Variants in STEAP1B observed in about 807,000 individuals in gnomAD.
STEAP1B encodes the protein STEAP family member 1B, also known as STEAP family protein MGC87042.
Under a neutral mutation model 27.9 loss-of-function variants are expected in STEAP1B, and 13 were observed. The observed-to-expected ratio is 0.47, with a 90% CI of 0.30 to 0.74. STEAP1B has a LOEUF of 0.74. Among genes scored for constraint, STEAP1B ranks in the 30% least tolerant of loss-of-function variants. STEAP1B has a pLI of 0.06. For synonymous variants in STEAP1B, 86 were observed against 107.1 expected, an observed-to-expected ratio of 0.80 and a Z score of 1.22; for missense variants, 250 against 298.7, an observed-to-expected ratio of 0.84 and a Z score of 1.20.
intron 4 of STEAP1B, among the ~76,000 whole-genome samples, chr7:22,479,851 G>C (rs1011650415): frequency 6.6e-6 from 1 of 151,788 alleles, no homozygotes; most frequent in African/African-American, 2.4e-5. Flanking sequence ...ACGCCCAGCC[G>C]ATTTCAGTAT....
chr7:22,463,626 A>C (rs546163837), intron 4 of STEAP1B, among the ~76,000 whole-genome samples: 26 of 152,150 alleles, frequency 1.7e-4, no homozygotes, highest in Non-Finnish European at 2.9e-5. Flanking sequence ...CAATGGAACA[A>C]AACAGAACCC....
chr7:22,485,650 C>CA (rs989781447), intron 4 of STEAP1B, among the ~76,000 whole-genome samples: 2 of 151,960 alleles, frequency 1.3e-5, no homozygotes, highest in Non-Finnish European at 2.9e-5. Flanking sequence ...CACTGGGAAA[C>CA]AAAAAAATCA....
chr7:22,472,424 C>T (rs7778463), intron 4 of STEAP1B, among the ~76,000 whole-genome samples: 3 of 151,954 alleles, frequency 2.0e-5, no homozygotes, highest in African/African-American at 2.4e-5. Flanking sequence ...ATCAGCTTGG[C>T]GTCTTTGATG....
At chr7:22,485,709 CA>C (rs1467676144) in intron 4 of STEAP1B, among the ~76,000 whole-genome samples, 1 of 152,152 alleles carries the variant, frequency 6.6e-6, no homozygotes, top group Non-Finnish European at 1.5e-5. Flanking sequence ...GCAATATGTC[CA>C]AGGTATGCCT....
chr7:22,422,538 G>A (rs1785056931), intron 4 of STEAP1B, among the ~76,000 whole-genome samples: 1 of 150,988 alleles, frequency 6.6e-6, no homozygotes, highest in Non-Finnish European at 1.5e-5. Context: ...TTATTGCCCA[G>A]GCTGGAGTGC....
intron 4 of STEAP1B, among the ~76,000 whole-genome samples, chr7:22,430,676 T>G (rs748849145): frequency 1.1e-4 from 16 of 152,200 alleles, no homozygotes; most frequent in African/African-American, 3.9e-4. Flanking sequence ...CCCATGGTTT[T>G]ACCTCAACAG....
In STEAP1B at chr7:22,432,333, G is replaced by C. The variant is rs117173495; in HGVS notation, c.763-12497C>G. On this transcript the variant is annotated intron_variant, in intron 4 of 4. Transcript: ENST00000678116. ...GTGGGAAGATCATTTGAGGCCATGA[G>C]TTTGAGACCAGCCTTGGCAACATAG... 6.2e-3 allele frequency among the ~76,000 whole-genome samples: 938 copies of C among 151,826 alleles called. 4 individuals are homozygous for C. Among genetic ancestry groups the C allele is most frequent in the Middle Eastern group, 0.02 (6 of 294 alleles).
At chr7:22,463,638 C>A (rs925850279) in intron 4 of STEAP1B, among the ~76,000 whole-genome samples, 1 of 152,156 alleles carries the variant, frequency 6.6e-6, no homozygotes, top group Non-Finnish European at 1.5e-5. Context: ...ACAGAACCCT[C>A]AGAAATAACG....
At chr7:22,450,775 C>T (rs1446657809) in intron 4 of STEAP1B, among the ~76,000 whole-genome samples, 1 of 152,084 alleles carries the variant, frequency 6.6e-6, no homozygotes, top group Non-Finnish European at 1.5e-5. Flanking sequence ...TATTCCTATC[C>T]ATGAACATTG....
chr7:22,435,949 C>A (rs538416781), intron 4 of STEAP1B, among the ~76,000 whole-genome samples: 1 of 152,206 alleles, frequency 6.6e-6, no homozygotes, highest in Non-Finnish European at 1.5e-5. Flanking sequence ...TGAGCCACTG[C>A]GTGGGCAGAA....
chr7:22,468,878 T>C (rs1342491815), intron 4 of STEAP1B, among the ~76,000 whole-genome samples: 2 of 152,236 alleles, frequency 1.3e-5, no homozygotes, highest in African/African-American at 4.8e-5. Flanking sequence ...AACAAACCTA[T>C]TGCACTGCCA....
chr7:22,484,060 C>T (rs900318824), intron 4 of STEAP1B, among the ~76,000 whole-genome samples: 4 of 152,108 alleles, frequency 2.6e-5, no homozygotes, highest in Admixed American at 6.5e-5. Context: ...TGAGGTTTAA[C>T]AAAAAATGCC....
chr7:22,492,059 C>T (rs1280090753), intron 4 of STEAP1B, among the ~76,000 whole-genome samples: 9 of 151,970 alleles, frequency 5.9e-5, no homozygotes, highest in African/African-American at 2.2e-4. Flanking sequence ...CGGTGGCTCA[C>T]GTCTGTAATC....
intron 4 of STEAP1B, among the ~76,000 whole-genome samples, chr7:22,458,365 GGGA>G (rs956145819): frequency 4.6e-5 from 7 of 152,322 alleles, no homozygotes; most frequent in African/African-American, 1.4e-4. Context: ...ATTGTAACCA[GGGA>G]GGAGGAGGAG....
intron 4 of STEAP1B, among the ~76,000 whole-genome samples, chr7:22,442,038 T>C (rs1785341828): frequency 6.6e-6 from 1 of 152,244 alleles, no homozygotes; most frequent in Non-Finnish European, 1.5e-5. Context: ...GGATAGTCCA[T>C]GCTCCTATGC....
rs767096201 is a variant in STEAP1B at position 22,493,691 on chromosome 7, A to C, written c.230T>G (p.Ile77Arg). Residue 77 changes from isoleucine to arginine, a missense_variant, in exon 3 of 5, where the codon ATA (isoleucine) becomes AGA (arginine). Coordinates refer to ENST00000678116, the MANE Select transcript of STEAP1B (RefSeq NM_001382447.1). ...AGTCAGAGATGCCATAACAGCAGCT[A>C]TTTTAATTGGCAAGTGCCACTGTGG... ...LFPQWHLPIKIAAVMASLTFL... is the reference protein window; with the variant it reads ...LFPQWHLPIKRAAVMASLTFL... The C allele has an allele frequency of 6.2e-6, 10 of 1,613,914 alleles. No homozygotes were observed. Among genetic ancestry groups the C allele is most frequent in the Non-Finnish European group, 7.6e-6 (9 of 1,179,890 alleles).
At chr7:22,456,128 C>G (rs1335797101) in intron 4 of STEAP1B, among the ~76,000 whole-genome samples, 1 of 150,968 alleles carries the variant, frequency 6.6e-6, no homozygotes, top group African/African-American at 2.4e-5. Flanking sequence ...GCCTGGGCAA[C>G]AGAGCGAGAC....
intron 4 of STEAP1B, among the ~76,000 whole-genome samples, chr7:22,464,948 C>CATATATATAT (rs75308240): frequency 0.025 from 1,120 of 44,982 alleles, 255 homozygotes; most frequent in South Asian, 0.11. Flanking sequence ...TACCAAACCC[C>CATATATATAT]ATATATATAT....
chr7:22,450,318 T>A lies in STEAP1B; in HGVS notation c.763-30482A>T, dbSNP rs1785467706. ...AGTTTCATACTTGGGATCTTAGATTTAAATGTCTAATCCATTTTGATTTGA... is the reference window on the plus strand; with the variant it reads ...AGTTTCATACTTGGGATCTTAGATTAAAATGTCTAATCCATTTTGATTTGA... On this transcript the variant is annotated intron_variant, in intron 4 of 4. Transcript: ENST00000678116. Among the ~76,000 whole-genome samples the A allele has an allele frequency of 4.6e-5, 7 of 152,370 alleles. 1 individual carries two copies. In the South Asian group the frequency reaches 1.4e-3, roughly 32 times the overall value.
Sources: allele counts gnomAD v4.1 joint callset (sites outside exome capture counted in the v4.1 genomes callset), GRCh38; gene constraint gnomAD v4.1.1; transcripts MANE v1.5; gene names NCBI Gene and HGNC (gene_info 2026-07-23, HGNC 2026-07-21).